The following TLL1 variants were observed in gnomAD, a reference collection of about 807,000 sequenced individuals.
TLL1 encodes the protein tolloid-like protein 1.
TLL1 carries 49 observed loss-of-function variants against 128.2 expected under a neutral mutation model. The observed-to-expected ratio is 0.38, with a 90% confidence interval of 0.30 to 0.48. The LOEUF is 0.48. Ranked by LOEUF, TLL1 falls within the 20% of genes least tolerant of loss-of-function variation. The pLI, the probability that TLL1 is intolerant of heterozygous loss-of-function variation, is 0.96. For synonymous variants in TLL1, 454 were observed against 418.8 expected (o/e 1.08, Z -1.03); for missense variants, 1,123 against 1,242.0 (o/e 0.90, Z 1.44).
At chr4:165,908,824 A>G (rs953144503) in intron 1 of TLL1, among the ~76,000 whole-genome samples, 16 of 152,108 alleles carry the variant, frequency 1.1e-4, no homozygotes, top group Non-Finnish European at 2.1e-4. Flanking sequence ...CCAAAGTGTT[A>G]GTTATGGAGG....
In TLL1 at chr4:165,924,715, T is replaced by C. The variant is rs565583702; in HGVS notation, c.169+50642T>C. On this transcript the variant is annotated intron_variant, in intron 1 of 20. Coordinates refer to ENST00000061240, the MANE Select transcript of TLL1 (RefSeq NM_012464.5). ...TCAATGTAGATGGAGCACCCTTCTA[T>C]TGGAAGAAGATGCCATCTAGGACTT... is the stretch of plus-strand genomic sequence containing the variant. Among the ~76,000 whole-genome samples, 10 of 152,326 alleles carry C rather than the reference T, an allele frequency of 6.6e-5. No homozygotes were observed. The South Asian group carries it at 2.1e-3, about 32-fold the overall frequency.
chr4:166,007,776 AGAGTG>A (rs947926675), intron 6 of TLL1, among the ~76,000 whole-genome samples, 162 bp from the exon 7 acceptor site: 4 of 151,816 alleles, frequency 2.6e-5, no homozygotes, highest in Admixed American at 2.6e-4. Flanking sequence ...ATATGATGGT[AGAGTG>A]AAGACAGATG....
chr4:165,997,322 T>C (rs1338562849), intron 5 of TLL1, among the ~76,000 whole-genome samples: 2 of 152,118 alleles, frequency 1.3e-5, no homozygotes, highest in Admixed American at 6.5e-5. Flanking sequence ...GTCTTTCATC[T>C]CATAAAAAAA....
intron 20 of TLL1, among the ~76,000 whole-genome samples, chr4:166,099,900 A>T (rs1313504267): frequency 6.6e-6 from 1 of 152,134 alleles, no homozygotes; most frequent in African/African-American, 2.4e-5. Flanking sequence ...AAAGGAAAAA[A>T]ATAATATGCA....
intron 1 of TLL1, among the ~76,000 whole-genome samples, chr4:165,939,422 G>A (rs1461295386): frequency 6.6e-6 from 1 of 152,002 alleles, no homozygotes; most frequent in Non-Finnish European, 1.5e-5. Context: ...CATCTGACTA[G>A]TGCATTTCCT....
In TLL1 at chr4:165,995,031, C is replaced by T. The variant is rs746375680; in HGVS notation, c.515-30C>T. 10 of 1,586,262 alleles carry T rather than the reference C, an allele frequency of 6.3e-6. No homozygotes were observed. The South Asian group carries it at 7.7e-5, about 12-fold the overall frequency. On this transcript the variant is annotated intron_variant, in intron 4 of 20. Coordinates refer to ENST00000061240, the MANE Select transcript of TLL1 (RefSeq NM_012464.5). ...GAAGCATTCTTCCTGGGGATGCCACCTTTTCATTAACATCACACATTTTTT... is the reference window on the plus strand; with the variant it reads ...GAAGCATTCTTCCTGGGGATGCCACTTTTTCATTAACATCACACATTTTTT...
At chr4:166,018,114 G>T (rs1375486701) in intron 8 of TLL1, among the ~76,000 whole-genome samples, 1 of 152,080 alleles carries the variant, frequency 6.6e-6, no homozygotes, top group African/African-American at 2.4e-5. Context: ...ATAAAGCTGA[G>T]TATTCCTTTG....
intron 1 of TLL1, among the ~76,000 whole-genome samples, chr4:165,986,312 A>T (rs918642926): frequency 1.3e-5 from 2 of 151,798 alleles, no homozygotes; most frequent in Non-Finnish European, 3.0e-5. Context: ...ATTTTAGTAC[A>T]CAGAAATAGG....
chr4:165,946,263 C>T (rs1267292890), intron 1 of TLL1, among the ~76,000 whole-genome samples: 2 of 152,026 alleles, frequency 1.3e-5, no homozygotes, highest in Admixed American at 1.3e-4. Context: ...TTGTAAGACT[C>T]TAAGCAATGA....
At chr4:165,928,098 A>G (rs1733355180) in intron 1 of TLL1, among the ~76,000 whole-genome samples, 1 of 152,200 alleles carries the variant, frequency 6.6e-6, no homozygotes, top group Admixed American at 6.5e-5. Flanking sequence ...TAACTGTATA[A>G]CCTTGGGCAT....
At position 166,075,009 on chromosome 4, in the gene TLL1, G is replaced by A. The variant is rs764109745; in HGVS notation, c.2314+6G>A. The A allele has an allele frequency of 1.2e-6, 2 of 1,613,062 alleles. No homozygotes were observed. The highest frequency in any genetic ancestry group is 2.2e-5 in the South Asian group (2 of 91,010). ...TAAACATGATTGCAAGGAAGGTATG[G>A]AACGGAATACACTTTTTTTGACAAC... On this transcript the variant is annotated splice_donor_region_variant and intron_variant, in intron 17 of 20. Transcript: ENST00000061240.
intron 1 of TLL1, among the ~76,000 whole-genome samples, chr4:165,956,318 A>G (rs1320131633): frequency 1.3e-5 from 2 of 152,058 alleles, no homozygotes; most frequent in Non-Finnish European, 2.9e-5. Flanking sequence ...TCCCCACTCT[A>G]ATAAGCCTGA....
chr4:166,048,843 T>C (rs1739582367), intron 12 of TLL1, among the ~76,000 whole-genome samples: 2 of 152,212 alleles, frequency 1.3e-5, no homozygotes, highest in Non-Finnish European at 2.9e-5. Context: ...GGTGATACTT[T>C]CCTTATGAAA....
At chr4:165,890,123 G>A (rs1035891493) in intron 1 of TLL1, among the ~76,000 whole-genome samples, 1 of 152,036 alleles carries the variant, frequency 6.6e-6, no homozygotes, top group Non-Finnish European at 1.5e-5. Flanking sequence ...AAAACCATTA[G>A]GTCTCATGAG....
chr4:165,905,387 A>AG lies in TLL1; in HGVS notation c.169+31315dup, dbSNP rs1411056002. Among the ~76,000 whole-genome samples the AG allele has an allele frequency of 3.9e-5, 6 of 152,332 alleles. No individual in the cohort carries two copies. In the East Asian group the frequency reaches 1.2e-3, roughly 29 times the overall value. On this transcript the variant is annotated intron_variant, in intron 1 of 20. Coordinates refer to ENST00000061240, the MANE Select transcript of TLL1 (RefSeq NM_012464.5). Reference sequence around the variant, plus strand: ...TTGATTTTATTCAATAAAGCTGTTAAGATTGAAATTCAACTTATGTTGGAT... The same window carrying AG: ...TTGATTTTATTCAATAAAGCTGTTAAGGATTGAAATTCAACTTATGTTGGAT...
intron 1 of TLL1, among the ~76,000 whole-genome samples, chr4:165,879,436 A>G (rs1323536049): frequency 2.0e-5 from 3 of 152,152 alleles, no homozygotes; most frequent in African/African-American, 7.2e-5. Flanking sequence ...GCTATTAGTC[A>G]CCTTAATCAT....
At chr4:165,877,555 T>C (rs1229013605) in intron 1 of TLL1, among the ~76,000 whole-genome samples, 1 of 152,218 alleles carries the variant, frequency 6.6e-6, no homozygotes, top group Non-Finnish European at 1.5e-5. Context: ...TGTTGTACTA[T>C]AGAAATAAAT....
At chr4:166,021,735 T>C (rs1422482415) in intron 8 of TLL1, among the ~76,000 whole-genome samples, 1 of 152,166 alleles carries the variant, frequency 6.6e-6, no homozygotes, top group African/African-American at 2.4e-5. Flanking sequence ...CTGGCCTATT[T>C]TTGCCCTCTT....
intron 1 of TLL1, among the ~76,000 whole-genome samples, chr4:165,894,842 A>AGTGTGTGTGT (rs34248657): frequency 1.8e-4 from 26 of 142,116 alleles, no homozygotes; most frequent in African/African-American, 6.4e-4. Context: ...TCAAATGATG[A>AGTGTGTGTGT]GTGTGTGTGT....
Sources: gnomAD v4.1 joint callset for allele counts (sites outside exome capture counted in the v4.1 genomes callset) on GRCh38, gnomAD v4.1.1 for gene constraint, MANE v1.5 for transcripts, NCBI Gene and HGNC (gene_info 2026-07-23, HGNC 2026-07-21) for gene names.